SYNPR: variants seen among roughly 807,000 people sequenced by gnomAD.
The protein encoded by SYNPR is synaptoporin.
In SYNPR, 23 loss-of-function variants were observed where a neutral mutation model predicts 32.9. The observed-to-expected ratio is 0.70, with a 90% CI of 0.50 to 0.99. The LOEUF (loss-of-function observed/expected upper bound fraction) is 0.99, where lower values mean the gene tolerates loss of function less well. Among genes scored for constraint, SYNPR ranks in the 50% least tolerant of loss-of-function variants. The probability of loss-of-function intolerance (pLI) is 0.00; values close to 1 mark genes in which losing one functional copy is unlikely to be tolerated. For missense variants in SYNPR, 318 were observed against 349.3 expected, an observed-to-expected ratio of 0.91 and a Z score of 0.71; for synonymous variants, 146 against 135.9, an observed-to-expected ratio of 1.07 and a Z score of -0.52.
intron 4 of SYNPR, among the ~76,000 whole-genome samples, chr3:63,591,028 C>A (rs1485159664): frequency 8.8e-5 from 13 of 147,444 alleles, no homozygotes; most frequent in African/African-American, 2.7e-4. Flanking sequence ...CAACCTACAA[C>A]ATGGGAGAAA....
At chr3:63,411,677 TA>T (rs1303596504) in intron 2 of SYNPR, among the ~76,000 whole-genome samples, 1 of 151,936 alleles carries the variant, frequency 6.6e-6, no homozygotes, top group East Asian at 1.9e-4. Context: ...TCAAAGACCC[TA>T]GAGACAGAGT....
At chr3:63,228,849 TC>T (rs1397012160) in intron 1 of SYNPR, among the ~76,000 whole-genome samples, 2 of 151,900 alleles carry the variant, frequency 1.3e-5, no homozygotes, top group Non-Finnish European at 2.9e-5. Context: ...AGTTTTGCTT[TC>T]ACGCCATCTG....
At chr3:63,443,145 C>CA (rs1700211357) in intron 2 of SYNPR, 1 of 1,157,460 alleles carries the variant, frequency 8.6e-7, no homozygotes. Flanking sequence ...TGGCAGCCAC[C>CA]TCCCCACCAA....
intron 3 of SYNPR, among the ~76,000 whole-genome samples, chr3:63,502,162 C>T (rs1280020273): frequency 9.2e-5 from 14 of 151,976 alleles, no homozygotes; most frequent in Admixed American, 9.2e-4. Context: ...TTTAAAATTG[C>T]ACATATAGTT....
chr3:63,482,820 A>G (rs553140779), intron 3 of SYNPR, among the ~76,000 whole-genome samples: 1 of 152,342 alleles, frequency 6.6e-6, no homozygotes, highest in African/African-American at 2.4e-5. Flanking sequence ...ATCCATGTAC[A>G]TATTCATAAC....
intron 1 of SYNPR, among the ~76,000 whole-genome samples, chr3:63,232,043 C>A (rs1388648265): frequency 3.3e-5 from 5 of 152,036 alleles, no homozygotes. Context: ...AGAGTTATAA[C>A]TCAGAGCTGG....
At chr3:63,483,312 T>C (rs1701082752) in intron 3 of SYNPR, among the ~76,000 whole-genome samples, 1 of 152,140 alleles carries the variant, frequency 6.6e-6, no homozygotes, top group Admixed American at 6.5e-5. Flanking sequence ...TGTACAGATA[T>C]AGAAAGATGT....
At chr3:63,533,959 G>A (rs775002465) in intron 3 of SYNPR, among the ~76,000 whole-genome samples, 4 of 152,142 alleles carry the variant, frequency 2.6e-5, no homozygotes, top group Non-Finnish European at 4.4e-5. Flanking sequence ...GTCGATGACA[G>A]TATTCCCTTG....
At chr3:63,519,778 T>G (rs1408273588) in intron 3 of SYNPR, among the ~76,000 whole-genome samples, 2 of 152,234 alleles carry the variant, frequency 1.3e-5, no homozygotes, top group Admixed American at 6.5e-5. Flanking sequence ...TGCATTGTAT[T>G]TGTCCCCCGA....
chr3:63,296,440 G>A (rs1311958015), intron 2 of SYNPR, among the ~76,000 whole-genome samples: 3 of 152,112 alleles, frequency 2.0e-5, no homozygotes, highest in Non-Finnish European at 4.4e-5. Flanking sequence ...ACCTGGCCCC[G>A]TTCTTACGCA....
At chr3:63,494,442 T>C (rs1344922475) in intron 3 of SYNPR, among the ~76,000 whole-genome samples, 1 of 125,464 alleles carries the variant, frequency 8.0e-6, no homozygotes, top group African/African-American at 3.2e-5. Context: ...TACGTATATA[T>C]ATATACACAT....
At chr3:63,479,898 T>A (rs1701012297) in intron 2 of SYNPR, among the ~76,000 whole-genome samples, 1 of 152,176 alleles carries the variant, frequency 6.6e-6, no homozygotes. Flanking sequence ...GTGTTTCCAG[T>A]AGTGACCCCA....
At chr3:63,264,897 A>G (rs915271351) in intron 2 of SYNPR, among the ~76,000 whole-genome samples, 14 of 136,520 alleles carry the variant, frequency 1.0e-4, no homozygotes, top group Admixed American at 3.2e-4. Context: ...CGATAACAGC[A>G]TGGGGGAAAC....
chr3:63,414,122 G>C (rs1163750588), intron 2 of SYNPR, among the ~76,000 whole-genome samples: 1 of 151,892 alleles, frequency 6.6e-6, no homozygotes, highest in African/African-American at 2.4e-5. Context: ...GACAACCTCT[G>C]TTTTGAAGCC....
chr3:63,335,708 C>T (rs1463503927), intron 2 of SYNPR, among the ~76,000 whole-genome samples: 1 of 151,354 alleles, frequency 6.6e-6, no homozygotes, highest in Non-Finnish European at 1.5e-5. Flanking sequence ...CTTTTGCTTG[C>T]CTATCTCCTA....
At chr3:63,470,596 T>C (rs1700777353) in intron 2 of SYNPR, among the ~76,000 whole-genome samples, 1 of 152,182 alleles carries the variant, frequency 6.6e-6, no homozygotes, top group Admixed American at 6.5e-5. Flanking sequence ...TGTGTTTCCT[T>C]TATAATATGA....
intron 4 of SYNPR, among the ~76,000 whole-genome samples, chr3:63,601,764 G>C (rs567189639): frequency 3.9e-4 from 60 of 152,058 alleles, no homozygotes; most frequent in Non-Finnish European, 6.9e-4. Flanking sequence ...CCATGTCTTT[G>C]CTATTGTGAA....
chr3:63,258,820 C>T (rs967276155), intron 2 of SYNPR, among the ~76,000 whole-genome samples: 35 of 152,002 alleles, frequency 2.3e-4, no homozygotes, highest in African/African-American at 5.5e-4. Flanking sequence ...ATTGATAGAC[C>T]GCTAGCAAGA....
intron 3 of SYNPR, among the ~76,000 whole-genome samples, chr3:63,491,649 T>A (rs1701259366): frequency 6.6e-6 from 1 of 151,996 alleles, no homozygotes; most frequent in South Asian, 2.1e-4. Context: ...GCCTCCCGAG[T>A]AGTTGGGAGT....
Sources: gnomAD v4.1 joint callset for allele counts (sites outside exome capture counted in the v4.1 genomes callset) on GRCh38, gnomAD v4.1.1 for gene constraint, MANE v1.5 for transcripts, NCBI Gene and HGNC (gene_info 2026-07-23, HGNC 2026-07-21) for gene names.